SCHIP1: variants seen among roughly 807,000 people sequenced by gnomAD.
SCHIP1 encodes schwannomin interacting protein 1.
A neutral mutation model predicts 29.7 loss-of-function variants in SCHIP1; 8 were observed. That is an observed-to-expected ratio of 0.27 (90% confidence interval 0.16 to 0.49). The LOEUF (loss-of-function observed/expected upper bound fraction) is 0.49, where lower values mean the gene tolerates loss of function less well. Among genes scored for constraint, SCHIP1 ranks in the 20% least tolerant of loss-of-function variants. SCHIP1 has a pLI of 0.99. For missense variants in SCHIP1, 193 were observed against 294.6 expected (o/e 0.66, Z 2.52); for synonymous variants, 76 against 94.9 (o/e 0.80, Z 1.16).
At chr3:159,809,933 G>T in the SCHIP1 span, among the ~76,000 whole-genome samples, 1 of 152,180 alleles carries the variant, frequency 6.6e-6, no homozygotes, top group Non-Finnish European at 1.5e-5. Flanking sequence ...GGCATAGGTT[G>T]CAGTCAGCCG....
chr3:159,880,070 C>T (rs1027325554), intron 2 of SCHIP1, among the ~76,000 whole-genome samples: 1 of 152,230 alleles, frequency 6.6e-6, no homozygotes. Context: ...GTCATTCACA[C>T]TCCAACTACC....
chr3:159,755,426 C>T, the SCHIP1 span, among the ~76,000 whole-genome samples: 2 of 152,304 alleles, frequency 1.3e-5, no homozygotes, highest in East Asian at 3.9e-4. Context: ...CATTCACTAT[C>T]ATGAGAACAG....
At chr3:159,796,328 A>T in the SCHIP1 span, among the ~76,000 whole-genome samples, 1 of 151,944 alleles carries the variant, frequency 6.6e-6, no homozygotes, top group Non-Finnish European at 1.5e-5. Context: ...ACGTTGAATC[A>T]TCAGAAGCTA....
chr3:159,709,352 T>C, the SCHIP1 span, among the ~76,000 whole-genome samples: 1 of 152,176 alleles, frequency 6.6e-6, no homozygotes, highest in Non-Finnish European at 1.5e-5. Flanking sequence ...GATATTTCCT[T>C]ATGGGAAACT....
At chr3:159,409,367 A>C in the SCHIP1 span, among the ~76,000 whole-genome samples, 2 of 152,176 alleles carry the variant, frequency 1.3e-5, no homozygotes, top group Admixed American at 6.5e-5. Flanking sequence ...AGATTATATG[A>C]TTTCATATTT....
chr3:159,626,095 TAG>T, the SCHIP1 span, among the ~76,000 whole-genome samples: 7 of 87,178 alleles, frequency 8.0e-5, no homozygotes, highest in African/African-American at 6.0e-4. Context: ...CTTATATAGA[TAG>T]ATAGATAGAT....
chr3:159,744,324 A>T, the SCHIP1 span, among the ~76,000 whole-genome samples: 1 of 152,236 alleles, frequency 6.6e-6, no homozygotes. Context: ...AAACTTTAAA[A>T]TGTTGCCAAA....
chr3:159,596,979 C>CTT, the SCHIP1 span, among the ~76,000 whole-genome samples: 1 of 148,238 alleles, frequency 6.7e-6, no homozygotes, highest in Non-Finnish European at 1.5e-5. Context: ...ACAAAAGCAT[C>CTT]TTTAAAAAAA....
the SCHIP1 span, among the ~76,000 whole-genome samples, chr3:159,310,459 T>A: frequency 1.3e-5 from 2 of 152,194 alleles, no homozygotes; most frequent in Non-Finnish European, 2.9e-5. Flanking sequence ...TTCATTATAT[T>A]TGAATGTTGC....
chr3:159,697,608 T>C, the SCHIP1 span, among the ~76,000 whole-genome samples: 2 of 152,342 alleles, frequency 1.3e-5, no homozygotes, highest in East Asian at 3.9e-4. Context: ...CTCTGTGAAA[T>C]GCAATCACAT....
chr3:159,610,827 TGAAGAGCTCAATG>T, the SCHIP1 span, among the ~76,000 whole-genome samples: 2 of 152,046 alleles, frequency 1.3e-5, no homozygotes, highest in African/African-American at 4.8e-5. Flanking sequence ...CATTTTTCAG[TGAAGAGCTCAATG>T]AAACATCCAG....
chr3:159,484,431 G>A, the SCHIP1 span, among the ~76,000 whole-genome samples: 1 of 152,146 alleles, frequency 6.6e-6, no homozygotes, highest in Non-Finnish European at 1.5e-5. Context: ...CCAGAGTTGA[G>A]TTTCTCATGG....
the SCHIP1 span, among the ~76,000 whole-genome samples, chr3:159,786,666 CGTGTGTGTGTGT>C: frequency 0.013 from 1,601 of 124,890 alleles, 27 homozygotes; most frequent in African/African-American, 0.042. Flanking sequence ...TGAGTCAAAG[CGTGTGTGTGTGT>C]GTGTGTGTGT....
At chr3:159,414,167 A>G in the SCHIP1 span, among the ~76,000 whole-genome samples, 1 of 152,230 alleles carries the variant, frequency 6.6e-6, no homozygotes, top group East Asian at 1.9e-4. Flanking sequence ...GGATAAGAGT[A>G]CTGCTCCTTT....
At chr3:159,810,570 A>C in the SCHIP1 span, among the ~76,000 whole-genome samples, 1 of 152,216 alleles carries the variant, frequency 6.6e-6, no homozygotes, top group Non-Finnish European at 1.5e-5. Context: ...TAGAATATCC[A>C]ATCTTTTACA....
the SCHIP1 span, among the ~76,000 whole-genome samples, chr3:159,658,785 T>C: frequency 1.3e-5 from 2 of 152,216 alleles, no homozygotes; most frequent in Non-Finnish European, 2.9e-5. Flanking sequence ...CTACCTGCCA[T>C]ATCAGGCAAG....
chr3:159,680,679 TAA>T, the SCHIP1 span, among the ~76,000 whole-genome samples: 34 of 77,524 alleles, frequency 4.4e-4, 1 homozygote, highest in African/African-American at 1.7e-3. Flanking sequence ...ATTATATATA[TAA>T]TATATGTATA....
the SCHIP1 span, among the ~76,000 whole-genome samples, chr3:159,788,037 A>T: frequency 6.6e-6 from 1 of 152,178 alleles, no homozygotes; most frequent in African/African-American, 2.4e-5. Context: ...GTTTCAAAAT[A>T]ATCTTATCGA....
At chr3:159,716,928 G>A in the SCHIP1 span, among the ~76,000 whole-genome samples, 1 of 152,144 alleles carries the variant, frequency 6.6e-6, no homozygotes, top group African/African-American at 2.4e-5. Context: ...CAAATCAACA[G>A]AATATACATT....
Sources: allele counts gnomAD v4.1 joint callset (sites outside exome capture counted in the v4.1 genomes callset), GRCh38; gene constraint gnomAD v4.1.1; transcripts MANE v1.5; gene names NCBI Gene and HGNC (gene_info 2026-07-23, HGNC 2026-07-21).